Variants in SLC9A9 observed in about 807,000 individuals in gnomAD.
The protein encoded by SLC9A9 is solute carrier family 9 member A9.
A neutral mutation model predicts 77.8 loss-of-function variants in SLC9A9; 62 were observed. The observed-to-expected ratio is 0.80, with a 90% CI of 0.65 to 0.98. SLC9A9 has a LOEUF of 0.98. Among genes scored for constraint, SLC9A9 ranks in the 50% least tolerant of loss-of-function variants. SLC9A9 has a pLI of 0.00. For missense variants in SLC9A9, 775 were observed against 774.9 expected (o/e 1.00, Z 0.00); for synonymous variants, 320 against 283.5 (o/e 1.13, Z -1.29).
At chr3:143,374,099 T>TA (rs1276585338) in intron 13 of SLC9A9, among the ~76,000 whole-genome samples, 2 of 151,624 alleles carry the variant, frequency 1.3e-5, no homozygotes, top group African/African-American at 4.8e-5. Context: ...TCCAGGAAAT[T>TA]AAAAAAAATT....
intron 12 of SLC9A9, among the ~76,000 whole-genome samples, chr3:143,428,852 G>C (rs2108534132): frequency 6.6e-6 from 1 of 152,322 alleles, no homozygotes; most frequent in East Asian, 1.9e-4. Flanking sequence ...CTCATGTGGA[G>C]TCCAAACAGT....
Position 143,363,564 on chromosome 3 carries a change from C to T in SLC9A9, c.1525-1G>A. ...TGTTTTTATCCAAGTTATTTGCTTC[C>T]TGGGGAGAAACAATAGAAAAAGGCA... On this transcript the variant is annotated splice_acceptor_variant, in intron 13 of 15. Coordinates refer to ENST00000316549, the MANE Select transcript of SLC9A9 (RefSeq NM_173653.4). LOFTEE classifies it high-confidence loss of function. 6.2e-7 allele frequency: 1 copy of T among 1,612,194 alleles called. No individual in the cohort carries two copies. The highest frequency in any genetic ancestry group is 8.5e-7 in the Non-Finnish European group (1 of 1,178,804).
chr3:143,301,367 A>T (rs964171182), intron 14 of SLC9A9, among the ~76,000 whole-genome samples: 4 of 152,198 alleles, frequency 2.6e-5, no homozygotes, highest in Non-Finnish European at 5.9e-5. Flanking sequence ...AGTTTAATGC[A>T]CCCCAGAGCT....
At chr3:143,707,501 T>C (rs1934016606) in intron 4 of SLC9A9, among the ~76,000 whole-genome samples, 1 of 152,194 alleles carries the variant, frequency 6.6e-6, no homozygotes, top group African/African-American at 2.4e-5. Context: ...TACTTGTTAC[T>C]ATTTAATTCT....
rs555927307 is a variant in SLC9A9, at chr3:143,783,911, A to G, written c.533+11090T>C. On this transcript the variant is annotated intron_variant, in intron 4 of 15. Coordinates refer to ENST00000316549, the MANE Select transcript of SLC9A9 (RefSeq NM_173653.4). ...TTACCTCTCTTCAACTGTTTTAGAA[A>G]AGTAAATAAGATGCCAATATCAAGC... Among the ~76,000 whole-genome samples, 19 of 152,338 alleles carry G rather than the reference A, an allele frequency of 1.2e-4. No individual in the cohort carries two copies. In the South Asian group the frequency reaches 3.9e-3, roughly 32 times the overall value.
chr3:143,726,875 C>G (rs1373986198), intron 4 of SLC9A9, among the ~76,000 whole-genome samples: 1 of 152,124 alleles, frequency 6.6e-6, no homozygotes, highest in Non-Finnish European at 1.5e-5. Context: ...TCCATCATTG[C>G]AAAAGCAGCA....
chr3:143,342,739 G>T (rs924334696), intron 14 of SLC9A9, among the ~76,000 whole-genome samples: 5 of 152,162 alleles, frequency 3.3e-5, no homozygotes, highest in African/African-American at 1.2e-4. Flanking sequence ...TGAGAAAACT[G>T]AAAATGACCT....
chr3:143,839,532 C>T (rs1372031395), intron 1 of SLC9A9, among the ~76,000 whole-genome samples: 1 of 151,818 alleles, frequency 6.6e-6, no homozygotes, highest in African/African-American at 2.4e-5. Context: ...ACACACATCA[C>T]AAGCGCACAC....
chr3:143,790,206 A>G (rs1319321621), intron 4 of SLC9A9, among the ~76,000 whole-genome samples: 1 of 152,152 alleles, frequency 6.6e-6, no homozygotes, highest in Admixed American at 6.5e-5. Context: ...AAGTTTCCTG[A>G]GGCCTCCCCA....
chr3:143,359,821 A>C (rs1158208660), intron 14 of SLC9A9, among the ~76,000 whole-genome samples: 2 of 152,084 alleles, frequency 1.3e-5, no homozygotes, highest in Non-Finnish European at 2.9e-5. Flanking sequence ...TGAATATTTA[A>C]CTTTCTGCCC....
intron 1 of SLC9A9, among the ~76,000 whole-genome samples, chr3:143,837,842 T>C (rs554075223): frequency 6.6e-6 from 1 of 152,348 alleles, no homozygotes; most frequent in Admixed American, 6.5e-5. Flanking sequence ...ATGAGCTCTC[T>C]TCTTTTCCAG....
intron 6 of SLC9A9, among the ~76,000 whole-genome samples, chr3:143,632,260 G>T (rs1186630434): frequency 1.3e-5 from 2 of 152,062 alleles, no homozygotes; most frequent in Non-Finnish European, 2.9e-5. Flanking sequence ...TGACTTAGAG[G>T]GAATTTCTGG....
chr3:143,579,287 A>C (rs1241093525), intron 6 of SLC9A9, among the ~76,000 whole-genome samples: 1 of 152,178 alleles, frequency 6.6e-6, no homozygotes, highest in Non-Finnish European at 1.5e-5. Context: ...CCATGGAGAG[A>C]CAAAACCCTC....
At chr3:143,829,257 A>C (rs1215415101) in intron 2 of SLC9A9, among the ~76,000 whole-genome samples, 1 of 151,916 alleles carries the variant, frequency 6.6e-6, no homozygotes, top group Non-Finnish European at 1.5e-5. Flanking sequence ...TACAAACTTC[A>C]TATTCTTTTA....
At chr3:143,281,846 T>C (rs1002214217) in intron 14 of SLC9A9, among the ~76,000 whole-genome samples, 1 of 152,202 alleles carries the variant, frequency 6.6e-6, no homozygotes, top group Non-Finnish European at 1.5e-5. Context: ...GTTACGTCCT[T>C]GCTAGATACT....
chr3:143,718,326 A>C (rs1047249400), intron 4 of SLC9A9, among the ~76,000 whole-genome samples: 6 of 152,164 alleles, frequency 3.9e-5, no homozygotes, highest in African/African-American at 7.2e-5. Context: ...TCTCTCCCCC[A>C]CACACAGGAT....
intron 14 of SLC9A9, among the ~76,000 whole-genome samples, chr3:143,270,934 A>G (rs544323907): frequency 6.6e-6 from 1 of 152,228 alleles, no homozygotes; most frequent in African/African-American, 2.4e-5. Flanking sequence ...GTCCAAAAAA[A>G]TTAAATGGAA....
At chr3:143,423,095 A>T (rs1157990863) in intron 12 of SLC9A9, among the ~76,000 whole-genome samples, 1 of 152,184 alleles carries the variant, frequency 6.6e-6, no homozygotes, top group Non-Finnish European at 1.5e-5. Context: ...AAATATGGAA[A>T]GGAAGAGACT....
At chr3:143,273,251 C>T (rs984640784) in intron 14 of SLC9A9, among the ~76,000 whole-genome samples, 2 of 152,198 alleles carry the variant, frequency 1.3e-5, no homozygotes, top group Non-Finnish European at 2.9e-5. Flanking sequence ...AACTCCATTG[C>T]ACCTATGTGG....
Sources: gnomAD v4.1 joint callset for allele counts (sites outside exome capture counted in the v4.1 genomes callset) on GRCh38, gnomAD v4.1.1 for gene constraint, MANE v1.5 for transcripts, NCBI Gene and HGNC (gene_info 2026-07-23, HGNC 2026-07-21) for gene names.